PACRGL: variants seen among roughly 807,000 people sequenced by gnomAD.
PACRGL encodes PACRG-like protein.
A neutral mutation model predicts 34.5 loss-of-function variants in PACRGL; 38 were observed. That is an observed-to-expected ratio of 1.10 (90% CI 0.85 to 1.44). The LOEUF (loss-of-function observed/expected upper bound fraction) is 1.44, where lower values mean the gene tolerates loss of function less well. Ranked by LOEUF, PACRGL falls within the 40% of genes most tolerant of loss-of-function variation. The pLI, the probability that PACRGL is intolerant of heterozygous loss-of-function variation, is 0.00. For synonymous variants in PACRGL, 128 were observed against 100.1 expected (o/e 1.28, Z -1.66); for missense variants, 305 against 281.4 (o/e 1.08, Z -0.60).
intron 8 of PACRGL, among the ~76,000 whole-genome samples, chr4:20,747,168 T>C (rs577249617): frequency 9.8e-5 from 15 of 152,312 alleles, no homozygotes; most frequent in African/African-American, 3.4e-4. Flanking sequence ...ATAAAAGCAA[T>C]GTTATGCATG....
intron 7 of PACRGL, among the ~76,000 whole-genome samples, chr4:20,719,621 T>A (rs1742002264): frequency 6.6e-6 from 1 of 152,260 alleles, no homozygotes; most frequent in African/African-American, 2.4e-5. Context: ...TTGTTCAGTT[T>A]CCATGTAGTT....
chr4:20,754,725 G>C (rs1218097232), downstream of PACRGL, among the ~76,000 whole-genome samples: 2 of 152,120 alleles, frequency 1.3e-5, no homozygotes, highest in African/African-American at 4.8e-5. Context: ...TGGATTTTGT[G>C]ATAGGAATCC....
In PACRGL at chr4:20,709,887, C is replaced by T. The variant is rs892828125; in HGVS notation, c.366+114C>T. ...TTCTATGCCTTTGAAAAACGAAGCA[C>T]ACAATAGGCATTGAAACACCACACA... On this transcript the variant is annotated intron_variant, in intron 5 of 8. Transcript: ENST00000503585. 8 of 762,116 alleles carry T rather than the reference C, an allele frequency of 1.0e-5. No homozygotes were observed. The African/African-American group carries it at 1.2e-4, about 12-fold the overall frequency. The allele number at this position is 762,116 out of a possible 1,614,324, so 47.2% of individuals were successfully genotyped here.
Position 20,707,789 on chromosome 4 carries a change from A to G in PACRGL, c.208-14A>G. The G allele has an allele frequency of 1.2e-6, 2 of 1,610,860 alleles. No homozygotes were observed. The highest frequency in any genetic ancestry group is 8.5e-7 in the Non-Finnish European group (1 of 1,177,176). ...AAGTATAGGTGATAGTAATATTTTC[A>G]TTTTTTATTTTAGTTTGGTGAACAG... On this transcript the variant is annotated splice_polypyrimidine_tract_variant and intron_variant, in intron 3 of 8. Transcript: ENST00000503585.
At chr4:20,737,951 G>A (rs1750057315) in intron 8 of PACRGL, among the ~76,000 whole-genome samples, 3 of 152,102 alleles carry the variant, frequency 2.0e-5, no homozygotes, top group African/African-American at 7.2e-5. Flanking sequence ...GAGCAACGCA[G>A]CCAGATCCAA....
At chr4:20,708,367 T>G (rs183672273) in intron 4 of PACRGL, among the ~76,000 whole-genome samples, 3 of 152,326 alleles carry the variant, frequency 2.0e-5, no homozygotes, top group African/African-American at 4.8e-5. Flanking sequence ...ATAAAGCATT[T>G]ATTTCTTCAG....
chr4:20,714,680 T>G (rs1738960768), intron 7 of PACRGL, among the ~76,000 whole-genome samples: 1 of 151,984 alleles, frequency 6.6e-6, no homozygotes, highest in Admixed American at 6.6e-5. Flanking sequence ...CAGGAGCTCT[T>G]TTAGGGCAGG....
upstream of PACRGL, among the ~76,000 whole-genome samples, chr4:20,700,070 G>A (rs766671273): frequency 6.6e-6 from 1 of 152,154 alleles, no homozygotes; most frequent in African/African-American, 2.4e-5. Flanking sequence ...TGAAGACTCG[G>A]GGGGAGGAGT....
chr4:20,744,712 A>G (rs1560425876), intron 8 of PACRGL, among the ~76,000 whole-genome samples: 2 of 152,234 alleles, frequency 1.3e-5, no homozygotes, highest in African/African-American at 2.4e-5. Context: ...GCACATGTAT[A>G]CATATGTAAC....
In PACRGL at chr4:20,730,210, C is replaced by T. The variant is rs1747664228; in HGVS notation, c.*2869C>T. The stretch of plus-strand genomic sequence containing the variant: ...ACTATTTTGCCCCTGAGTATTGCCT[C>T]CTCCCATCAACCACCTCAACCACCT... On this transcript the variant is annotated 3_prime_UTR_variant, in exon 9 of 9. Transcript: ENST00000503585. 2 of 1,474,404 alleles carry T rather than the reference C, an allele frequency of 1.4e-6. No homozygotes were observed. Among genetic ancestry groups the T allele is most frequent in the Non-Finnish European group, 1.8e-6 (2 of 1,105,504 alleles). 91.3% of individuals were successfully genotyped at this position (1,474,404 alleles called of 1,614,324 possible). A position where few individuals can be genotyped will look rare whatever the true frequency, so the allele number is the denominator to read the frequency against.
At chr4:20,716,894 T>C (rs531994654) in intron 7 of PACRGL, among the ~76,000 whole-genome samples, 213 of 152,318 alleles carry the variant, frequency 1.4e-3, no homozygotes, top group African/African-American at 4.6e-3. Flanking sequence ...TTCTAGATCC[T>C]TGAGGAATCG....
intron 7 of PACRGL, among the ~76,000 whole-genome samples, chr4:20,722,088 A>G (rs1293663020): frequency 6.6e-6 from 1 of 152,194 alleles, no homozygotes; most frequent in Non-Finnish European, 1.5e-5. Context: ...TGTGCTAGCA[A>G]TGAGCGAGGC....
At chr4:20,726,895 C>T (rs1391359447) in intron 8 of PACRGL, among the ~76,000 whole-genome samples, 1 of 152,104 alleles carries the variant, frequency 6.6e-6, no homozygotes, top group African/African-American at 2.4e-5. Flanking sequence ...ATGGCAGGTA[C>T]TCTGCTGAGT....
intron 8 of PACRGL, among the ~76,000 whole-genome samples, chr4:20,738,949 C>A (rs753973603): frequency 2.6e-5 from 4 of 152,196 alleles, no homozygotes; most frequent in African/African-American, 4.8e-5. Context: ...TATACTGCAC[C>A]TGGCTCAGAG....
intron 8 of PACRGL, among the ~76,000 whole-genome samples, chr4:20,739,747 T>C (rs4431223): frequency 0.33 from 50,887 of 152,014 alleles, 8,949 homozygotes; most frequent in African/African-American, 0.44. Flanking sequence ...ATGACTTTGA[T>C]GAGCTGACAG....
intron 7 of PACRGL, among the ~76,000 whole-genome samples, chr4:20,720,944 T>C (rs1742782983): frequency 6.6e-6 from 1 of 152,192 alleles, no homozygotes; most frequent in South Asian, 2.1e-4. Context: ...CCATTCTCCC[T>C]GTCACTTTCA....
intron 3 of PACRGL, among the ~76,000 whole-genome samples, chr4:20,705,573 A>G (rs910698190): frequency 6.6e-6 from 1 of 152,130 alleles, no homozygotes; most frequent in Non-Finnish European, 1.5e-5. Flanking sequence ...TGTAATCTAC[A>G]GTGTCAAGGA....
the PACRGL span, chr4:20,766,872 A>G: frequency 3.3e-5 from 5 of 152,012 alleles, no homozygotes; most frequent in African/African-American, 9.7e-5. Context: ...TTGAACCCCT[A>G]CTCTGCCACT....
At chr4:20,706,041 G>A (rs1199880079) in intron 3 of PACRGL, among the ~76,000 whole-genome samples, 2 of 151,450 alleles carry the variant, frequency 1.3e-5, no homozygotes, top group South Asian at 4.2e-4. Flanking sequence ...CGCTAATTCA[G>A]TGTAGTATAG....
Sources: gnomAD v4.1 joint callset for allele counts (sites outside exome capture counted in the v4.1 genomes callset) on GRCh38, gnomAD v4.1.1 for gene constraint, MANE v1.5 for transcripts, NCBI Gene and HGNC (gene_info 2026-07-23, HGNC 2026-07-21) for gene names.